The following KIF2A variants were observed in gnomAD, a reference collection of about 807,000 sequenced individuals.
KIF2A encodes kinesin-like protein KIF2A.
Under a neutral mutation model 100.2 loss-of-function variants are expected in KIF2A, and 22 were observed. That is an observed-to-expected ratio of 0.22 (90% confidence interval 0.16 to 0.31). The LOEUF (loss-of-function observed/expected upper bound fraction) is 0.31. KIF2A is among the 10% of genes least tolerant of loss of function. The pLI, the probability that KIF2A is intolerant of heterozygous loss-of-function variation, is 1.00. For missense variants in KIF2A, 495 were observed against 898.7 expected, an observed-to-expected ratio of 0.55 and a Z score of 5.74; for synonymous variants, 268 against 285.9, an observed-to-expected ratio of 0.94 and a Z score of 0.63.
At chr5:62,378,226 T>C (rs1043911899) in intron 19 of KIF2A, among the ~76,000 whole-genome samples, 2 of 152,194 alleles carry the variant, frequency 1.3e-5, no homozygotes, top group African/African-American at 4.8e-5. Context: ...AAGGGTGTTA[T>C]ATCACCACCT....
chr5:62,379,890 G>A (rs183419511), intron 19 of KIF2A, among the ~76,000 whole-genome samples: 64 of 152,112 alleles, frequency 4.2e-4, no homozygotes, highest in Non-Finnish European at 7.4e-4. Flanking sequence ...GAAAGATCTG[G>A]TCTTGTTTTG....
intron 1 of KIF2A, among the ~76,000 whole-genome samples, chr5:62,318,385 A>G (rs1745936356): frequency 6.6e-6 from 1 of 152,100 alleles, no homozygotes; most frequent in Non-Finnish European, 1.5e-5. Flanking sequence ...CCGGCCATAA[A>G]TTTATTTTTA....
intron 7 of KIF2A, among the ~76,000 whole-genome samples, chr5:62,355,885 G>A (rs1284829228): frequency 2.0e-5 from 3 of 151,002 alleles, no homozygotes; most frequent in East Asian, 3.9e-4. Context: ...CAGTTCAAGC[G>A]ATTCTCCTGT....
chr5:62,365,690 T>C (rs1741030905), intron 15 of KIF2A, among the ~76,000 whole-genome samples: 1 of 152,188 alleles, frequency 6.6e-6, no homozygotes, highest in Admixed American at 6.5e-5. Context: ...GCATTATGAA[T>C]GAACATAGAG....
In KIF2A at chr5:62,308,461, C is replaced by T. The variant is rs1157455657; in HGVS notation, c.64+1925C>T. Reference sequence around the variant, plus strand: ...ATCTGCACTCTCGCGTTCATTGCAGCATTATTCACAGTAGCCAAGATAGGG... The same window carrying T: ...ATCTGCACTCTCGCGTTCATTGCAGTATTATTCACAGTAGCCAAGATAGGG... On this transcript the variant is annotated intron_variant, in intron 1 of 20. Coordinates refer to ENST00000407818, the MANE Select transcript of KIF2A (RefSeq NM_001098511.3). 2.3e-5 allele frequency: 20 copies of T among 884,254 alleles called. No homozygotes were observed. In the East Asian group the frequency reaches 5.0e-4, roughly 22 times the overall value. 54.8% of individuals were successfully genotyped at this position (884,254 alleles called of 1,614,324 possible). A position where few individuals can be genotyped will look rare whatever the true frequency, so the allele number is the denominator to read the frequency against.
rs1742100736 is a variant in KIF2A at position 62,387,675 on chromosome 5, TA to T, written c.*2110del. 1 of 152,178 alleles carries T rather than the reference TA, an allele frequency of 6.6e-6. No individual in the cohort carries two copies. Among genetic ancestry groups the T allele is most frequent in the South Asian group, 2.1e-4 (1 of 4,832 alleles). 9.4% of individuals were successfully genotyped at this position (152,178 alleles called of 1,614,324 possible). A position where few individuals can be genotyped will look rare whatever the true frequency, so the allele number is the denominator to read the frequency against. The stretch of plus-strand genomic sequence containing the variant: ...AACCTGAGAAAGCCGAGTTAAATCT[TA>T]AAATTTTTACTATAAGGATAGAGAT... On this transcript the variant is annotated 3_prime_UTR_variant, in exon 21 of 21. Transcript: ENST00000407818.
rs1056295037 is a variant in KIF2A, at chr5:62,381,345, G to A, written c.2149+92G>A. 34 of 1,040,398 alleles carry A rather than the reference G, an allele frequency of 3.3e-5. No homozygotes were observed. The East Asian group carries it at 4.6e-4, about 14-fold the overall frequency. 64.4% of individuals were successfully genotyped at this position (1,040,398 alleles called of 1,614,324 possible). On this transcript the variant is annotated intron_variant, in intron 20 of 20. Transcript: ENST00000407818. ...TTCTTCGTATTGCAAGAGGACATAC[G>A]AAGTGAAAATTAGGGGCACTGTTTA...
intron 20 of KIF2A, among the ~76,000 whole-genome samples, chr5:62,383,136 AG>A (rs1443030442): frequency 6.7e-6 from 1 of 149,798 alleles, no homozygotes; most frequent in Non-Finnish European, 1.5e-5. Context: ...CATATTGGCC[AG>A]GCTGGTATCG....
At chr5:62,355,308 C>A in intron 7 of KIF2A, 54 bp downstream of exon 7, 1 of 897,818 alleles carries the variant, frequency 1.1e-6, no homozygotes, top group Non-Finnish European at 1.8e-6. Flanking sequence ...CAAATAAAAA[C>A]GTGTTTGACA....
At chr5:62,367,871 C>T (rs1175275430) in intron 16 of KIF2A, among the ~76,000 whole-genome samples, 1 of 151,984 alleles carries the variant, frequency 6.6e-6, no homozygotes, top group African/African-American at 2.4e-5. Context: ...GTGATTTTAA[C>T]CTAGAGACAA....
chr5:62,385,249 A>G (rs960831105), intron 20 of KIF2A, among the ~76,000 whole-genome samples: 1 of 152,254 alleles, frequency 6.6e-6, no homozygotes, highest in Non-Finnish European at 1.5e-5. Flanking sequence ...CAAACAGAAC[A>G]GAAAGCTATT....
chr5:62,359,686 G>A (rs2111946850), intron 9 of KIF2A, among the ~76,000 whole-genome samples: 1 of 152,148 alleles, frequency 6.6e-6, no homozygotes, highest in South Asian at 2.1e-4. Flanking sequence ...ATGTTTCTGT[G>A]TGTATGATTT....
Position 62,385,639 on chromosome 5 carries a change from G to GTTCAAATT in KIF2A, c.*70_*71insTTCAAATT. The stretch of plus-strand genomic sequence containing the variant: ...AACATACAACGGTTCAGCTGTAAGG[G>GTTCAAATT]CCATTTGAAAGTTTGGAATTTTAAG... On this transcript the variant is annotated 3_prime_UTR_variant, in exon 21 of 21. Coordinates refer to ENST00000407818, the MANE Select transcript of KIF2A (RefSeq NM_001098511.3). The GTTCAAATT allele has an allele frequency of 9.2e-7, 1 of 1,084,470 alleles. No individual in the cohort carries two copies. The highest frequency in any genetic ancestry group is 1.4e-6 in the Non-Finnish European group (1 of 735,962). The allele number at this position is 1,084,470 out of a possible 1,614,324, so 67.2% of individuals were successfully genotyped here. A position where few individuals can be genotyped will look rare whatever the true frequency, so the allele number is the denominator to read the frequency against.
At chr5:62,308,248 C>T (rs1366734776) in intron 1 of KIF2A, 2 of 954,760 alleles carry the variant, frequency 2.1e-6, no homozygotes, top group Non-Finnish European at 1.4e-6. Flanking sequence ...GTTGAGGTTT[C>T]TTTTATATTT....
chr5:62,353,947 A>G (rs978366378), intron 6 of KIF2A, among the ~76,000 whole-genome samples: 1 of 149,272 alleles, frequency 6.7e-6, no homozygotes, highest in Non-Finnish European at 1.5e-5. Context: ...AGGTCTTTAC[A>G]TATTAGACAT....
chr5:62,371,059 G>T (rs1741302145), intron 16 of KIF2A, among the ~76,000 whole-genome samples: 1 of 152,090 alleles, frequency 6.6e-6, no homozygotes, highest in Non-Finnish European at 1.5e-5. Flanking sequence ...TTGAGTCCAG[G>T]AGTTTGAGAC....
At chr5:62,373,561 A>G in intron 17 of KIF2A, 126 bp from the exon 18 acceptor site, 1 of 652,266 alleles carries the variant, frequency 1.5e-6, no homozygotes, top group Admixed American at 3.3e-5. Flanking sequence ...GATAAATTTT[A>G]CCTATAAAGG....
In KIF2A at chr5:62,357,714, G is replaced by A; in HGVS notation, c.678G>A (p.Val226=). ...ADPIDEHRIC[V]CVRKRPLNKK... is the part of the protein sequence containing the mutation. Reference sequence around the variant, plus strand: ...AGATTGATGAACATAGGATATGTGTGTGTGTAAGAAAACGACCACTCAATA... The same window carrying A: ...AGATTGATGAACATAGGATATGTGTATGTGTAAGAAAACGACCACTCAATA... Residue 226 remains valine (V), a synonymous_variant, in exon 8 of 21, where the codon GTG becomes GTA. Transcript: ENST00000407818. 1 of 1,562,044 alleles carries A rather than the reference G, an allele frequency of 6.4e-7. No homozygotes were observed.
intron 4 of KIF2A, among the ~76,000 whole-genome samples, chr5:62,352,044 C>T (rs2111922785): frequency 6.6e-6 from 1 of 151,604 alleles, no homozygotes; most frequent in African/African-American, 2.4e-5. Flanking sequence ...GTCTCAGCTA[C>T]TCGGGAGGCT....
Sources: allele counts gnomAD v4.1 joint callset (sites outside exome capture counted in the v4.1 genomes callset), GRCh38; gene constraint gnomAD v4.1.1; transcripts MANE v1.5; gene names NCBI Gene and HGNC (gene_info 2026-07-23, HGNC 2026-07-21).